The following EPB41L3 variants were observed in gnomAD, a reference collection of about 807,000 sequenced individuals.
EPB41L3 encodes the protein band 4.1-like protein 3.
In EPB41L3, 57 loss-of-function variants were observed where a neutral mutation model predicts 127.1. The observed-to-expected ratio is 0.45, with a 90% CI of 0.36 to 0.56. The LOEUF (loss-of-function observed/expected upper bound fraction) is 0.56. Ranked by LOEUF, EPB41L3 falls within the 20% of genes least tolerant of loss-of-function variation. EPB41L3 has a pLI of 0.00. For missense variants in EPB41L3, 1,273 were observed against 1,372.2 expected, an observed-to-expected ratio of 0.93 and a Z score of 1.14; for synonymous variants, 572 against 549.5, an observed-to-expected ratio of 1.04 and a Z score of -0.57.
upstream of EPB41L3, among the ~76,000 whole-genome samples, chr18:5,547,338 T>C (rs1455587813): frequency 6.6e-6 from 1 of 152,218 alleles, no homozygotes; most frequent in Admixed American, 6.5e-5. Context: ...TTGGGTCCAG[T>C]AAATGCCGTT....
chr18:5,446,890 G>A (rs879315), intron 3 of EPB41L3, among the ~76,000 whole-genome samples: 112,669 of 152,196 alleles, frequency 0.74, 41,845 homozygotes, highest in East Asian at 0.83. Flanking sequence ...TAAATCATTT[G>A]TTTATAAATA....
At chr18:5,415,535 G>A (rs1410258749) in intron 13 of EPB41L3, among the ~76,000 whole-genome samples, 3 of 152,138 alleles carry the variant, frequency 2.0e-5, no homozygotes, top group African/African-American at 7.2e-5. Context: ...CACAGCTGAC[G>A]GGTTATATAA....
At chr18:5,610,160 C>T (rs184857949) in intron 3 of EPB41L3, 1 of 985,366 alleles carries the variant, frequency 1.0e-6, no homozygotes, top group African/African-American at 1.7e-5. Flanking sequence ...TATCCACGTC[C>T]CAACAAGCAA....
At chr18:5,601,065 C>T (rs980685896) in intron 3 of EPB41L3, among the ~76,000 whole-genome samples, 1 of 152,040 alleles carries the variant, frequency 6.6e-6, no homozygotes, top group Non-Finnish European at 1.5e-5. Flanking sequence ...GCAAAATATC[C>T]AAAATACATG....
At chr18:5,460,958 T>C (rs972767254) in intron 3 of EPB41L3, among the ~76,000 whole-genome samples, 2 of 152,216 alleles carry the variant, frequency 1.3e-5, no homozygotes, top group African/African-American at 4.8e-5. Flanking sequence ...GTTTAAATAA[T>C]AGAAACCCCA....
At chr18:5,579,006 C>T (rs1355112778) in intron 3 of EPB41L3, among the ~76,000 whole-genome samples, 3 of 152,150 alleles carry the variant, frequency 2.0e-5, no homozygotes, top group African/African-American at 7.2e-5. Flanking sequence ...AAGACACCCA[C>T]ATGCTTATCA....
At chr18:5,609,229 T>G (rs1240781746) in intron 3 of EPB41L3, among the ~76,000 whole-genome samples, 1 of 152,180 alleles carries the variant, frequency 6.6e-6, no homozygotes, top group Non-Finnish European at 1.5e-5. Context: ...TCAACTTATT[T>G]CTTTTTTTAA....
At chr18:5,622,951 ATTTTTTTTTTTTT>A (rs10622515) in intron 1 of EPB41L3, among the ~76,000 whole-genome samples, 1 of 76,054 alleles carries the variant, frequency 1.3e-5, no homozygotes, top group Non-Finnish European at 2.3e-5. Context: ...CATAATGCTG[ATTTTTTTTTTTTT>A]TTTTTTTTTT....
At chr18:5,512,368 T>G (rs964036290) in intron 1 of EPB41L3, among the ~76,000 whole-genome samples, 28 of 152,194 alleles carry the variant, frequency 1.8e-4, no homozygotes, top group African/African-American at 6.8e-4. Context: ...AAGTGAAATC[T>G]GATATCCAAA....
At chr18:5,581,051 T>G (rs1568603981) in intron 3 of EPB41L3, among the ~76,000 whole-genome samples, 1 of 152,174 alleles carries the variant, frequency 6.6e-6, no homozygotes, top group Admixed American at 6.5e-5. Flanking sequence ...CAAAGTGAAT[T>G]TGGAGGAAGC....
intron 3 of EPB41L3, among the ~76,000 whole-genome samples, chr18:5,563,500 A>T (rs1470950623): frequency 6.6e-6 from 1 of 152,198 alleles, no homozygotes; most frequent in African/African-American, 2.4e-5. Flanking sequence ...TTCTTAGGGC[A>T]ATAATAGTAG....
intron 2 of EPB41L3, among the ~76,000 whole-genome samples, chr18:5,483,563 C>CA (rs1264936309): frequency 6.6e-6 from 1 of 151,600 alleles, no homozygotes. Context: ...AAACAAGAAC[C>CA]AACTATATGT....
chr18:5,530,380 T>C (rs1365280067), intron 1 of EPB41L3, among the ~76,000 whole-genome samples: 3 of 152,270 alleles, frequency 2.0e-5, no homozygotes, highest in South Asian at 4.2e-4. Flanking sequence ...TAATGATATA[T>C]TGTCCTTCAA....
intron 15 of EPB41L3, chr18:5,407,221 G>C (rs1263002583): frequency 5.8e-6 from 3 of 513,410 alleles, no homozygotes; most frequent in African/African-American, 5.7e-5. Context: ...ACTATAAAGA[G>C]TACAATTCAC....
intron 8 of EPB41L3, among the ~76,000 whole-genome samples, chr18:5,430,005 T>C (rs1434793903): frequency 6.6e-6 from 1 of 152,182 alleles, no homozygotes; most frequent in African/African-American, 2.4e-5. Flanking sequence ...TTGGTAACTA[T>C]AGAACAGGAC....
At position 5,417,488 on chromosome 18, in the gene EPB41L3, C is replaced by T. The variant is rs573025318; in HGVS notation, c.1507-1110G>A. The stretch of plus-strand genomic sequence containing the variant: ...GGCAGGTACAGCAGCTGCTGCAGGC[C>T]GGGAAATCCAAGCCTGAAAGTAATT... On this transcript the variant is annotated intron_variant, in intron 12 of 22. Coordinates refer to ENST00000341928, the MANE Select transcript of EPB41L3 (RefSeq NM_012307.5). Among the ~76,000 whole-genome samples, 7 of 152,192 alleles carry T rather than the reference C, an allele frequency of 4.6e-5. 1 individual carries two copies. The highest frequency in any genetic ancestry group is 1.3e-4 in the Admixed American group (2 of 15,292).
chr18:5,416,203 G>T lies in EPB41L3; in HGVS notation c.1682C>A (p.Pro561Gln), dbSNP rs1423951529. ...TTGATCCCCTAGGTAAGGCCTCCCT[G>T]GGCCATCAGAGTCCAAGGCGGGCTC... ...PGEPALDSDGPGRPYLGDQDV... is the reference protein window; with the variant it reads ...PGEPALDSDGQGRPYLGDQDV... The change falls in exon 13 of 23, where the codon CCA becomes CAA. Residue 561 changes from proline (P) to glutamine (Q), a missense_variant. This residue lies in a region of EPB41L3 where 765 missense variants were observed against 782.9 expected (regional missense o/e 0.98). Coordinates refer to ENST00000341928, the MANE Select transcript of EPB41L3 (RefSeq NM_012307.5). 6.2e-7 allele frequency: 1 copy of T among 1,614,162 alleles called. No homozygotes were observed. Among genetic ancestry groups the T allele is most frequent in the East Asian group, 2.2e-5 (1 of 44,870 alleles).
intron 3 of EPB41L3, among the ~76,000 whole-genome samples, chr18:5,454,904 A>C (rs2082803902): frequency 6.6e-6 from 1 of 152,224 alleles, no homozygotes; most frequent in African/African-American, 2.4e-5. Flanking sequence ...GGATATTCCT[A>C]CCCACTGAAA....
chr18:5,432,813 A>G (rs544522820), intron 8 of EPB41L3, among the ~76,000 whole-genome samples: 3 of 152,240 alleles, frequency 2.0e-5, no homozygotes, highest in Non-Finnish European at 4.4e-5. Context: ...CAGTCAACGA[A>G]GCAAACCTTA....
Sources: gnomAD v4.1 joint callset for allele counts (sites outside exome capture counted in the v4.1 genomes callset) on GRCh38, gnomAD v4.1.1 for gene constraint, gnomAD v4.1.1 regional missense constraint, MANE v1.5 for transcripts, NCBI Gene and HGNC (gene_info 2026-07-23, HGNC 2026-07-21) for gene names.